The following IL1RAPL1 variants were observed in gnomAD, a reference collection of about 807,000 sequenced individuals.
The protein encoded by IL1RAPL1 is interleukin-1 receptor accessory protein-like 1.
A neutral mutation model predicts 48.4 loss-of-function variants in IL1RAPL1; 3 were observed. The ratio of observed to expected loss-of-function variants is 0.06; its 90% confidence interval spans 0.03 to 0.16. IL1RAPL1 has a LOEUF of 0.16. Ranked by LOEUF, IL1RAPL1 falls within the 10% of genes least tolerant of loss-of-function variation. The pLI is 1.00. For synonymous variants in IL1RAPL1, 185 were observed against 187.7 expected (o/e 0.99, Z 0.12); for missense variants, 349 against 530.6 (o/e 0.66, Z 3.36).
At chrX:28,930,061 A>G (rs1923838921) in intron 2 of IL1RAPL1, among the ~76,000 whole-genome samples, 1 of 111,981 alleles carries the variant, frequency 8.9e-6, no homozygotes, top group African/African-American at 3.2e-5. Context: ...TCTACACAAG[A>G]CCTTCTGTCC....
rs555684246 is a variant in IL1RAPL1, at chrX:28,658,342, T to A, written c.-25+70295T>A. On this transcript the variant is annotated intron_variant, in intron 1 of 10. Coordinates refer to ENST00000378993, the MANE Select transcript of IL1RAPL1 (RefSeq NM_014271.4). Reference sequence around the variant, plus strand: ...AAGTGATTCTTGTGCCTCAGCCTCCTGAGTAGCTGGGACTACAGGTGCTTG... The same window carrying A: ...AAGTGATTCTTGTGCCTCAGCCTCCAGAGTAGCTGGGACTACAGGTGCTTG... Among the ~76,000 whole-genome samples, 13 of 111,847 alleles carry A rather than the reference T, an allele frequency of 1.2e-4. No individual in the cohort carries two copies. In the South Asian group the frequency reaches 4.5e-3, roughly 38 times the overall value.
At chrX:28,976,869 T>C (rs759348873) in intron 2 of IL1RAPL1, among the ~76,000 whole-genome samples, 1 of 112,166 alleles carries the variant, frequency 8.9e-6, no homozygotes, top group Admixed American at 9.5e-5. Flanking sequence ...AAGTGCCAGA[T>C]AGTAAATATT....
intron 2 of IL1RAPL1, among the ~76,000 whole-genome samples, chrX:29,133,807 T>G (rs1418456540): frequency 1.8e-5 from 2 of 111,821 alleles, no homozygotes; most frequent in Non-Finnish European, 3.8e-5. Context: ...ATAGTTTTAT[T>G]GCCTTAAAAA....
chrX:29,314,707 T>A (rs1932762008), intron 3 of IL1RAPL1, among the ~76,000 whole-genome samples: 1 of 112,338 alleles, frequency 8.9e-6, no homozygotes, highest in East Asian at 2.8e-4. Context: ...GAGGATTTAG[T>A]GAAATAATGT....
At chrX:28,684,119 C>A (rs1361330479) in intron 1 of IL1RAPL1, among the ~76,000 whole-genome samples, 1 of 112,051 alleles carries the variant, frequency 8.9e-6, no homozygotes, top group South Asian at 3.7e-4. Context: ...AATTATATAC[C>A]CCCTCTTCTG....
intron 1 of IL1RAPL1, among the ~76,000 whole-genome samples, chrX:28,725,270 A>G (rs1046382982): frequency 9.0e-6 from 1 of 111,260 alleles, no homozygotes; most frequent in Non-Finnish European, 1.9e-5. Flanking sequence ...TTTTTAAAAC[A>G]CAATCAAACA....
intron 6 of IL1RAPL1, among the ~76,000 whole-genome samples, chrX:29,717,303 A>G (rs1278108023): frequency 3.6e-5 from 4 of 110,847 alleles, no homozygotes; most frequent in Non-Finnish European, 7.6e-5. Flanking sequence ...ATGGACTCTG[A>G]CAATATTATG....
intron 6 of IL1RAPL1, among the ~76,000 whole-genome samples, chrX:29,908,844 T>C (rs1932703492): frequency 8.9e-6 from 1 of 112,047 alleles, no homozygotes. Context: ...TTTATTGAAA[T>C]TGGTTCAATA....
intron 2 of IL1RAPL1, among the ~76,000 whole-genome samples, chrX:29,006,568 C>T (rs1240866964): frequency 2.8e-5 from 3 of 108,111 alleles, no homozygotes; most frequent in Non-Finnish European, 5.7e-5. Flanking sequence ...CTTTATCCAT[C>T]TTGCCCTCAA....
At chrX:28,694,122 C>T (rs1935206081) in intron 1 of IL1RAPL1, among the ~76,000 whole-genome samples, 1 of 111,287 alleles carries the variant, frequency 9.0e-6, no homozygotes, top group Admixed American at 9.6e-5. Context: ...AGCTCCATTC[C>T]TTGCAGTATT....
At chrX:29,906,243 G>A (rs1209929303) in intron 6 of IL1RAPL1, among the ~76,000 whole-genome samples, 3 of 104,305 alleles carry the variant, frequency 2.9e-5, no homozygotes, top group Non-Finnish European at 5.9e-5. Context: ...GCTGAGACAG[G>A]AGAATGGCGT....
At chrX:29,796,210 G>A (rs1004828565) in intron 6 of IL1RAPL1, among the ~76,000 whole-genome samples, 2 of 112,095 alleles carry the variant, frequency 1.8e-5, no homozygotes, top group African/African-American at 3.2e-5. Context: ...AAGGTGAAAG[G>A]TTCAGAATAA....
At chrX:29,215,120 G>T (rs1190021380) in intron 2 of IL1RAPL1, among the ~76,000 whole-genome samples, 1 of 111,234 alleles carries the variant, frequency 9.0e-6, no homozygotes. Context: ...GGCCGAGGTG[G>T]GTGGATCACC....
chrX:28,676,902 T>A (rs998957828), intron 1 of IL1RAPL1, among the ~76,000 whole-genome samples: 4 of 111,636 alleles, frequency 3.6e-5, no homozygotes, highest in African/African-American at 1.3e-4. Context: ...GATATTATTG[T>A]ACCAATTATA....
intron 2 of IL1RAPL1, among the ~76,000 whole-genome samples, chrX:29,180,876 A>G (rs925960965): frequency 2.7e-5 from 3 of 111,391 alleles, no homozygotes; most frequent in Non-Finnish European, 5.6e-5. Context: ...CTGTATGTAC[A>G]TGTGTGTGCA....
At chrX:29,584,314 A>G (rs1213972759) in intron 5 of IL1RAPL1, among the ~76,000 whole-genome samples, 1 of 111,590 alleles carries the variant, frequency 9.0e-6, no homozygotes, top group Non-Finnish European at 1.9e-5. Context: ...AAAACATACG[A>G]ACAGTCCATT....
chrX:29,413,075 T>C (rs1335230604), intron 5 of IL1RAPL1, among the ~76,000 whole-genome samples: 1 of 111,017 alleles, frequency 9.0e-6, no homozygotes, highest in Non-Finnish European at 1.9e-5. Context: ...TGGGGGCGGG[T>C]CTTTGCCATG....
At chrX:29,439,278 G>A (rs1181238922) in intron 5 of IL1RAPL1, among the ~76,000 whole-genome samples, 1 of 111,104 alleles carries the variant, frequency 9.0e-6, no homozygotes, top group Non-Finnish European at 1.9e-5. Flanking sequence ...TAAATTTTAG[G>A]ATTCATACTG....
rs187678530 is a variant in IL1RAPL1 at position 29,861,295 on chromosome X, C to A, written c.779-56169C>A. Among the ~76,000 whole-genome samples, 117 of 111,372 alleles carry A rather than the reference C, an allele frequency of 1.1e-3. 1 individual carries two copies. Among genetic ancestry groups the A allele is most frequent in the African/African-American group, 3.6e-3 (111 of 30,667 alleles). Reference sequence around the variant, plus strand: ...ATTTGAATCATCCATGGGAGCTTTTCAAAACCCCTATTCCTGAGCTCTACC... The same window carrying A: ...ATTTGAATCATCCATGGGAGCTTTTAAAAACCCCTATTCCTGAGCTCTACC... On this transcript the variant is annotated intron_variant, in intron 6 of 10. Coordinates refer to ENST00000378993, the MANE Select transcript of IL1RAPL1 (RefSeq NM_014271.4).
Sources: allele counts gnomAD v4.1 joint callset (sites outside exome capture counted in the v4.1 genomes callset), GRCh38; gene constraint gnomAD v4.1.1; transcripts MANE v1.5; gene names NCBI Gene and HGNC (gene_info 2026-07-23, HGNC 2026-07-21).